Variants in DTD1 observed in about 807,000 individuals in gnomAD.
DTD1 encodes D-tyrosyl-tRNA deacylase 1 homolog.
DTD1 carries 13 observed loss-of-function variants against 25.6 expected under a neutral mutation model. That is an observed-to-expected ratio of 0.51 (90% CI 0.33 to 0.81). The LOEUF (loss-of-function observed/expected upper bound fraction) is 0.81, where lower values mean the gene tolerates loss of function less well. Ranked by LOEUF, DTD1 falls within the 30% of genes least tolerant of loss-of-function variation. The probability of loss-of-function intolerance (pLI) is 0.02; values close to 1 mark genes in which losing one functional copy is unlikely to be tolerated. For missense variants in DTD1, 193 were observed against 266.4 expected, an observed-to-expected ratio of 0.72 and a Z score of 1.92; for synonymous variants, 110 against 103.6, an observed-to-expected ratio of 1.06 and a Z score of -0.37.
intron 3 of DTD1, among the ~76,000 whole-genome samples, chr20:18,609,427 C>T (rs1229662789): frequency 6.6e-6 from 1 of 152,156 alleles, no homozygotes; most frequent in African/African-American, 2.4e-5. Flanking sequence ...GCTGGGATTA[C>T]AGGCGTGAGC....
intron 4 of DTD1, among the ~76,000 whole-genome samples, chr20:18,710,593 A>C (rs1183021768): frequency 6.6e-6 from 1 of 152,256 alleles, no homozygotes; most frequent in Non-Finnish European, 1.5e-5. Flanking sequence ...AGCTTTATAA[A>C]ATGTAAAAGT....
chr20:18,764,660 C>G lies in DTD1; in HGVS notation c.*1320C>G, dbSNP rs1456454501. 6.6e-6 allele frequency: 1 copy of G among 152,186 alleles called. No homozygotes were observed. The highest frequency in any genetic ancestry group is 2.4e-5 in the African/African-American group (1 of 41,456). 9.4% of individuals were successfully genotyped at this position (152,186 alleles called of 1,614,324 possible). On this transcript the variant is annotated 3_prime_UTR_variant, in exon 6 of 6. Coordinates refer to ENST00000377452, the MANE Select transcript of DTD1 (RefSeq NM_080820.6). ...TTGGAATATAGAGTTGGAAAAGGGTCTGCCAGACTGCTTTGTTCTAAACCA... is the reference window on the plus strand; with the variant it reads ...TTGGAATATAGAGTTGGAAAAGGGTGTGCCAGACTGCTTTGTTCTAAACCA...
chr20:18,725,588 C>T (rs572443848), intron 4 of DTD1, among the ~76,000 whole-genome samples: 6 of 152,306 alleles, frequency 3.9e-5, no homozygotes, highest in East Asian at 1.9e-4. Context: ...TTTTTAATGA[C>T]GCTCTTTCTC....
At chr20:18,686,388 G>A (rs2061016582) in intron 4 of DTD1, among the ~76,000 whole-genome samples, 1 of 152,140 alleles carries the variant, frequency 6.6e-6, no homozygotes. Context: ...GGTAATTTCT[G>A]CAGGATAAAT....
chr20:18,741,285 C>T (rs1313275725), intron 4 of DTD1, among the ~76,000 whole-genome samples: 2 of 151,942 alleles, frequency 1.3e-5, no homozygotes, highest in African/African-American at 4.8e-5. Context: ...TCATTTTGGG[C>T]CAGAATGAAG....
At chr20:18,607,381 G>A (rs187711366) in intron 3 of DTD1, among the ~76,000 whole-genome samples, 3 of 152,126 alleles carry the variant, frequency 2.0e-5, no homozygotes, top group South Asian at 2.1e-4. Context: ...GGCTGGTTTC[G>A]AATTCCTGAC....
At chr20:18,729,754 C>T (rs1254368368) in intron 4 of DTD1, among the ~76,000 whole-genome samples, 1 of 152,208 alleles carries the variant, frequency 6.6e-6, no homozygotes, top group Non-Finnish European at 1.5e-5. Context: ...TAGGTACTGC[C>T]TCCCAGCCTA....
chr20:18,610,323 G>A (rs1161474073), intron 3 of DTD1, among the ~76,000 whole-genome samples: 1 of 152,104 alleles, frequency 6.6e-6, no homozygotes, highest in African/African-American at 2.4e-5. Flanking sequence ...GAACTCCTGG[G>A]CTCAAGTGAT....
intron 4 of DTD1, among the ~76,000 whole-genome samples, chr20:18,684,712 A>G (rs747774585): frequency 2.0e-5 from 3 of 152,100 alleles, no homozygotes; most frequent in Non-Finnish European, 4.4e-5. Flanking sequence ...GATTTGTCCT[A>G]TGATCTTAGT....
chr20:18,708,297 A>AATATATATATTTTATATATATATTAT (rs1568677006), intron 4 of DTD1, among the ~76,000 whole-genome samples: 4 of 38,654 alleles, frequency 1.0e-4, no homozygotes, highest in East Asian at 6.4e-4. Context: ...ATATATATAT[A>AATATATATATTTTATATATATATTAT]ATATATATAT....
At position 18,593,827 on chromosome 20, in the gene DTD1, A is replaced by T; in HGVS notation, c.134+6A>T. 1 of 1,611,768 alleles carries T rather than the reference A, an allele frequency of 6.2e-7. No homozygotes were observed. Among genetic ancestry groups the T allele is most frequent in the Non-Finnish European group, 8.5e-7 (1 of 1,178,346 alleles). ...CAGAAGGAACTGGAACACATGTAAG[A>T]TGCATTTCTGTCATTGCTGTTTGAG... On this transcript the variant is annotated splice_donor_region_variant and intron_variant, in intron 2 of 5. Transcript: ENST00000377452.
chr20:18,713,308 C>G (rs1375879760), intron 4 of DTD1, among the ~76,000 whole-genome samples: 1 of 152,238 alleles, frequency 6.6e-6, no homozygotes, highest in Non-Finnish European at 1.5e-5. Context: ...TTTTAGGTTG[C>G]TGTTTTCTTC....
chr20:18,619,451 G>T (rs1436242475), intron 3 of DTD1, among the ~76,000 whole-genome samples: 2 of 151,968 alleles, frequency 1.3e-5, no homozygotes, highest in South Asian at 2.1e-4. Context: ...TGGAGACGGA[G>T]TGTCACTCTG....
intron 3 of DTD1, among the ~76,000 whole-genome samples, chr20:18,607,242 A>G (rs1329748028): frequency 6.6e-6 from 1 of 151,788 alleles, no homozygotes. Flanking sequence ...TGGCTCTGCA[A>G]CCTCTGCCTT....
At chr20:18,679,547 CA>C (rs2060988768) in intron 4 of DTD1, among the ~76,000 whole-genome samples, 1 of 152,140 alleles carries the variant, frequency 6.6e-6, no homozygotes, top group South Asian at 2.1e-4. Context: ...GCCTGATTGT[CA>C]GGGGGAAGAA....
chr20:18,645,733 G>T (rs187784163), intron 4 of DTD1, among the ~76,000 whole-genome samples: 79 of 152,266 alleles, frequency 5.2e-4, no homozygotes, highest in Non-Finnish European at 9.1e-4. Flanking sequence ...AAGGATAAAA[G>T]GTCTGTGGCC....
chr20:18,627,257 A>C (rs961061944), intron 3 of DTD1, among the ~76,000 whole-genome samples: 2 of 152,136 alleles, frequency 1.3e-5, no homozygotes, highest in African/African-American at 4.8e-5. Flanking sequence ...GGTAGGAAAG[A>C]CTCAGAGAAG....
chr20:18,652,337 G>A (rs1017252449), intron 4 of DTD1, among the ~76,000 whole-genome samples: 2 of 152,184 alleles, frequency 1.3e-5, no homozygotes, highest in African/African-American at 4.8e-5. Context: ...TGCCATTTTG[G>A]TTTTATTCAG....
At chr20:18,613,425 C>T (rs999804567) in intron 3 of DTD1, among the ~76,000 whole-genome samples, 2 of 152,170 alleles carry the variant, frequency 1.3e-5, no homozygotes, top group African/African-American at 4.8e-5. Flanking sequence ...GAGTTAATAG[C>T]AGAACACCAA....
Sources: allele counts gnomAD v4.1 joint callset (sites outside exome capture counted in the v4.1 genomes callset), GRCh38; gene constraint gnomAD v4.1.1; transcripts MANE v1.5; gene names NCBI Gene and HGNC (gene_info 2026-07-23, HGNC 2026-07-21).